The following OR6N1 variants were observed in gnomAD, a reference collection of about 807,000 sequenced individuals.
The protein encoded by OR6N1 is olfactory receptor 6N1.
For synonymous variants in OR6N1, 170 were observed against 150.7 expected (o/e 1.13, Z -0.94); for missense variants, 394 against 371.7 (o/e 1.06, Z -0.49).
intron 1 of OR6N1, among the ~76,000 whole-genome samples, chr1:158,769,788 T>A (rs1391330490): frequency 6.6e-6 from 1 of 152,256 alleles, no homozygotes; most frequent in Non-Finnish European, 1.5e-5. Flanking sequence ...TCCAGAGAAC[T>A]ACTTCCGGGC....
At chr1:158,790,004 A>C in the OR6N1 span, among the ~76,000 whole-genome samples, 1 of 152,082 alleles carries the variant, frequency 6.6e-6, no homozygotes, top group Non-Finnish European at 1.5e-5. Context: ...ATTTTGATTT[A>C]ATGTTTTTAT....
At chr1:158,837,629 G>A in the OR6N1 span, among the ~76,000 whole-genome samples, 1 of 151,460 alleles carries the variant, frequency 6.6e-6, no homozygotes, top group Non-Finnish European at 1.5e-5. Context: ...CATATACTTG[G>A]ATCCCCTGTT....
At chr1:158,809,859 G>A in the OR6N1 span, among the ~76,000 whole-genome samples, 1 of 152,108 alleles carries the variant, frequency 6.6e-6, no homozygotes, top group South Asian at 2.1e-4. Context: ...CTAGGCCCGT[G>A]GTGCCTGATG....
chr1:158,816,384 T>A, the OR6N1 span, among the ~76,000 whole-genome samples: 9 of 151,890 alleles, frequency 5.9e-5, no homozygotes, highest in South Asian at 1.9e-3. Flanking sequence ...AAAGAGATGG[T>A]CAAAGAGAGA....
the OR6N1 span, chr1:158,809,143 CACTG>C: frequency 6.5e-6 from 1 of 152,916 alleles, no homozygotes; most frequent in Non-Finnish European, 1.5e-5. Flanking sequence ...AAGGAGAGGA[CACTG>C]ATAAATAAGT....
chr1:158,793,620 G>A, the OR6N1 span, among the ~76,000 whole-genome samples: 3 of 152,188 alleles, frequency 2.0e-5, no homozygotes, highest in South Asian at 4.1e-4. Flanking sequence ...TGCTGGGTGT[G>A]TAAGCAGGTT....
At chr1:158,824,719 G>A in the OR6N1 span, among the ~76,000 whole-genome samples, 1 of 152,116 alleles carries the variant, frequency 6.6e-6, no homozygotes, top group African/African-American at 2.4e-5. Flanking sequence ...AATGGGGAAA[G>A]GACCCTCTGT....
the OR6N1 span, among the ~76,000 whole-genome samples, chr1:158,784,413 T>C: frequency 6.6e-6 from 1 of 152,214 alleles, no homozygotes; most frequent in East Asian, 1.9e-4. Context: ...GTAACATTTC[T>C]TTATGGTGAA....
the OR6N1 span, among the ~76,000 whole-genome samples, chr1:158,815,788 C>T: frequency 6.6e-6 from 1 of 152,082 alleles, no homozygotes; most frequent in Admixed American, 6.5e-5. Context: ...CTTATTGGTG[C>T]CCTCAGTTTG....
At chr1:158,821,781 T>C in the OR6N1 span, among the ~76,000 whole-genome samples, 1 of 152,164 alleles carries the variant, frequency 6.6e-6, no homozygotes, top group Admixed American at 6.5e-5. Flanking sequence ...AGTTTTCAAC[T>C]CCTTTGGGTA....
At chr1:158,769,260 C>T (rs563586722) in intron 1 of OR6N1, among the ~76,000 whole-genome samples, 190 of 152,150 alleles carry the variant, frequency 1.2e-3, no homozygotes, top group African/African-American at 4.2e-3. Context: ...ACCTCCTGGG[C>T]TCAAGCAATC....
intron 1 of OR6N1, among the ~76,000 whole-genome samples, chr1:158,769,684 T>G (rs543905760): frequency 2.6e-5 from 4 of 152,310 alleles, no homozygotes; most frequent in Non-Finnish European, 4.4e-5. Flanking sequence ...CTGATTTTTC[T>G]TGGCATTTTT....
chr1:158,837,193 G>T, the OR6N1 span, among the ~76,000 whole-genome samples: 77 of 151,726 alleles, frequency 5.1e-4, no homozygotes, highest in Non-Finnish European at 1.5e-4. Flanking sequence ...TTACTGTTTT[G>T]GATATATCTG....
intron 1 of OR6N1, among the ~76,000 whole-genome samples, chr1:158,770,364 C>T (rs1355498900): frequency 6.6e-6 from 1 of 152,172 alleles, no homozygotes; most frequent in Non-Finnish European, 1.5e-5. Context: ...ACTAGCACCC[C>T]CAACTCCCTC....
the OR6N1 span, among the ~76,000 whole-genome samples, chr1:158,799,345 T>G: frequency 2.0e-5 from 3 of 152,218 alleles, no homozygotes; most frequent in African/African-American, 7.2e-5. Flanking sequence ...CAATAATTAC[T>G]CTGCAGGCTC....
intron 1 of OR6N1, among the ~76,000 whole-genome samples, chr1:158,767,068 C>A (rs561684504): frequency 6.6e-6 from 1 of 152,256 alleles, no homozygotes; most frequent in South Asian, 2.1e-4. Flanking sequence ...AGGTAAAAAT[C>A]ATCATTTATA....
At chr1:158,827,218 C>T in the OR6N1 span, among the ~76,000 whole-genome samples, 1 of 152,186 alleles carries the variant, frequency 6.6e-6, no homozygotes, top group African/African-American at 2.4e-5. Context: ...TGCCTCAGCT[C>T]ATTCCAAATG....
intron 1 of OR6N1, among the ~76,000 whole-genome samples, chr1:158,771,317 T>C (rs1414010371): frequency 6.6e-6 from 1 of 152,170 alleles, no homozygotes; most frequent in Non-Finnish European, 1.5e-5. Flanking sequence ...CTTTTTGAAA[T>C]TAATGAGGAA....
At chr1:158,833,767 A>C in the OR6N1 span, among the ~76,000 whole-genome samples, 2 of 152,216 alleles carry the variant, frequency 1.3e-5, no homozygotes, top group African/African-American at 4.8e-5. Flanking sequence ...GGACACTTGT[A>C]ATACTTTCAC....
Sources: gnomAD v4.1 joint callset for allele counts (sites outside exome capture counted in the v4.1 genomes callset) on GRCh38, gnomAD v4.1.1 for gene constraint, MANE v1.5 for transcripts, NCBI Gene and HGNC (gene_info 2026-07-23, HGNC 2026-07-21) for gene names.